SLC8A3: variants seen among roughly 807,000 people sequenced by gnomAD.
SLC8A3 encodes the protein sodium/calcium exchanger 3.
SLC8A3 carries 37 observed loss-of-function variants against 65.4 expected under a neutral mutation model. The observed-to-expected ratio is 0.57, with a 90% confidence interval of 0.44 to 0.74. The LOEUF is 0.74. Ranked by LOEUF, SLC8A3 falls within the 30% of genes least tolerant of loss-of-function variation. The pLI is 0.00. For synonymous variants in SLC8A3, 461 were observed against 444.5 expected (o/e 1.04, Z -0.47); for missense variants, 1,112 against 1,172.1 (o/e 0.95, Z 0.75).
At chr14:70,157,238 A>G (rs1181807779) in intron 2 of SLC8A3, among the ~76,000 whole-genome samples, 1 of 152,190 alleles carries the variant, frequency 6.6e-6, no homozygotes, top group Admixed American at 6.5e-5. Context: ...TGGAGTTGAC[A>G]GGTGCCTGTC....
chr14:70,171,873 T>C (rs1427909721), intron 1 of SLC8A3, among the ~76,000 whole-genome samples: 7 of 152,138 alleles, frequency 4.6e-5, no homozygotes, highest in African/African-American at 9.7e-5. Flanking sequence ...GTTTTTGAAA[T>C]TGAAGGTGGA....
chr14:70,189,344 G>A (rs1883622284), upstream of SLC8A3, among the ~76,000 whole-genome samples: 3 of 152,182 alleles, frequency 2.0e-5, no homozygotes, highest in South Asian at 6.2e-4. Context: ...CAGGCAGCAG[G>A]CGGGCGCGCG....
At chr14:70,143,986 G>A (rs926504032) in intron 2 of SLC8A3, among the ~76,000 whole-genome samples, 15 of 152,038 alleles carry the variant, frequency 9.9e-5, no homozygotes, top group African/African-American at 3.1e-4. Context: ...CCACAAAACC[G>A]TGGCCATGGC....
chr14:70,179,540 G>T (rs1375201062), intron 1 of SLC8A3, among the ~76,000 whole-genome samples: 2 of 152,080 alleles, frequency 1.3e-5, no homozygotes, highest in Non-Finnish European at 2.9e-5. Flanking sequence ...CAAGCCTTAG[G>T]GTAGAGAGGT....
At chr14:70,126,203 A>G (rs1391528497) in intron 2 of SLC8A3, among the ~76,000 whole-genome samples, 1 of 152,146 alleles carries the variant, frequency 6.6e-6, no homozygotes, top group African/African-American at 2.4e-5. Flanking sequence ...TAGCCATTGG[A>G]AACATTACTT....
At chr14:70,176,709 A>T (rs528169565) in intron 1 of SLC8A3, among the ~76,000 whole-genome samples, 2 of 152,366 alleles carry the variant, frequency 1.3e-5, no homozygotes, top group East Asian at 3.9e-4. Context: ...TGCCAAGAAT[A>T]GTCAGCATCA....
intron 2 of SLC8A3, among the ~76,000 whole-genome samples, chr14:70,134,300 A>G (rs1594735595): frequency 6.6e-6 from 1 of 152,196 alleles, no homozygotes. Context: ...GCTTTCCAAC[A>G]AAAGGATGCT....
chr14:70,163,514 T>C (rs911829505), intron 2 of SLC8A3, among the ~76,000 whole-genome samples: 1 of 152,160 alleles, frequency 6.6e-6, no homozygotes, highest in Non-Finnish European at 1.5e-5. Flanking sequence ...CAAATAAAGC[T>C]ATACAAAGAG....
At chr14:70,124,780 G>A (rs1246836423) in intron 2 of SLC8A3, among the ~76,000 whole-genome samples, 1 of 152,174 alleles carries the variant, frequency 6.6e-6, no homozygotes, top group Non-Finnish European at 1.5e-5. Flanking sequence ...GAGATCTGGT[G>A]CCAAAAGAGC....
chr14:70,133,409 A>G (rs1894977912), intron 2 of SLC8A3, among the ~76,000 whole-genome samples: 2 of 152,214 alleles, frequency 1.3e-5, no homozygotes. Context: ...GTCACCCAGA[A>G]AAAACTGCAA....
intron 1 of SLC8A3, among the ~76,000 whole-genome samples, chr14:70,183,381 T>C (rs986778273): frequency 2.0e-5 from 3 of 152,234 alleles, no homozygotes; most frequent in Non-Finnish European, 4.4e-5. Flanking sequence ...GTGAGTCTCC[T>C]GTCTAGATGT....
chr14:70,067,375 C>CT (rs1889547335), intron 2 of SLC8A3, among the ~76,000 whole-genome samples: 1 of 152,134 alleles, frequency 6.6e-6, no homozygotes, highest in Non-Finnish European at 1.5e-5. Context: ...GAGAACTTGT[C>CT]TTTTTTCAAA....
chr14:70,179,639 G>A (rs561176643), intron 1 of SLC8A3, among the ~76,000 whole-genome samples: 20 of 152,320 alleles, frequency 1.3e-4, no homozygotes, highest in South Asian at 1.0e-3. Flanking sequence ...GACAGAAGTC[G>A]TGAGTCTAAT....
chr14:70,062,718 C>G lies in SLC8A3; in HGVS notation c.1785-1779G>C, dbSNP rs573768977. 1.2e-4 allele frequency among the ~76,000 whole-genome samples: 18 copies of G among 152,246 alleles called. 1 individual carries two copies. In the South Asian group the frequency reaches 3.7e-3, roughly 32 times the overall value. Reference sequence around the variant, plus strand: ...TACTTCTTTTGACATCTTTTTATACCTTGCTCAGCGGACAAAAGAGAAAGC... The same window carrying G: ...TACTTCTTTTGACATCTTTTTATACGTTGCTCAGCGGACAAAAGAGAAAGC... On this transcript the variant is annotated intron_variant, in intron 2 of 6. Transcript: ENST00000356921.
At chr14:70,070,646 C>G (rs1392909986) in intron 2 of SLC8A3, among the ~76,000 whole-genome samples, 1 of 152,142 alleles carries the variant, frequency 6.6e-6, no homozygotes, top group Non-Finnish European at 1.5e-5. Context: ...TTCAACTCTA[C>G]CACATACCAT....
rs1253091542 is a variant in SLC8A3 at position 70,167,594 on chromosome 14, T to A, written c.829A>T (p.Thr277Ser). ...ATGCCCTTAGGGTGGTCACCCTCTG[T>A]CTCTATGATAATTCCTCGGTGTTTG... The part of the protein sequence containing the change: ...TDKHRGIIIE[T>S]EGDHPKGIEM... Residue 277 changes from threonine to serine, a missense_variant, in exon 2 of 7, where the codon ACA (threonine) becomes TCA (serine). Transcript: ENST00000356921. The A allele has an allele frequency of 6.2e-7, 1 of 1,614,146 alleles. No individual in the cohort carries two copies. The highest frequency in any genetic ancestry group is 8.5e-7 in the Non-Finnish European group (1 of 1,180,020).
At chr14:70,169,704 G>T (rs1897389888) in intron 1 of SLC8A3, among the ~76,000 whole-genome samples, 1 of 133,886 alleles carries the variant, frequency 7.5e-6, no homozygotes, top group African/African-American at 2.8e-5. Flanking sequence ...GGGGGGGGGC[G>T]ATCTTTCTCC....
Position 70,110,636 on chromosome 14 carries a change from A to T in SLC8A3, c.1785-49697T>A, listed in dbSNP as rs117343554. On this transcript the variant is annotated intron_variant, in intron 2 of 6. Coordinates refer to ENST00000356921, the MANE Select transcript of SLC8A3 (RefSeq NM_182932.3). The stretch of plus-strand genomic sequence containing the variant: ...CTTCCAAATCTTAGCTATTGTGAAC[A>T]GTGCTGCTGCAAACATGAGAGTGCA... Among the ~76,000 whole-genome samples the T allele has an allele frequency of 2.7e-3, 412 of 150,168 alleles. 16 individuals carry two copies. In the East Asian group the frequency reaches 0.074, roughly 27 times the overall value.
intron 2 of SLC8A3, among the ~76,000 whole-genome samples, chr14:70,122,926 G>T (rs1265163711): frequency 6.6e-6 from 1 of 151,942 alleles, no homozygotes; most frequent in East Asian, 1.9e-4. Context: ...ACAAAAATTA[G>T]CTGGGTGCGG....
Sources: gnomAD v4.1 joint callset for allele counts (sites outside exome capture counted in the v4.1 genomes callset) on GRCh38, gnomAD v4.1.1 for gene constraint, MANE v1.5 for transcripts, NCBI Gene and HGNC (gene_info 2026-07-23, HGNC 2026-07-21) for gene names.